SLC44A5: variants seen among roughly 807,000 people sequenced by gnomAD.
The protein encoded by SLC44A5 is choline transporter-like protein 5.
In SLC44A5, 57 loss-of-function variants were observed where a neutral mutation model predicts 101.8. The ratio of observed to expected loss-of-function variants is 0.56; its 90% confidence interval spans 0.45 to 0.70. The LOEUF is 0.70. SLC44A5 is among the 30% of genes least tolerant of loss of function. The probability of loss-of-function intolerance (pLI) is 0.00; values close to 1 mark genes in which losing one functional copy is unlikely to be tolerated. For missense variants in SLC44A5, 737 were observed against 853.1 expected (o/e 0.86, Z 1.70); for synonymous variants, 281 against 290.9 (o/e 0.97, Z 0.35).
At chr1:75,627,334 G>C in the SLC44A5 span, among the ~76,000 whole-genome samples, 1 of 151,742 alleles carries the variant, frequency 6.6e-6, no homozygotes, top group East Asian at 1.9e-4. Context: ...AGGGGATAGG[G>C]TTGCAATAGT....
intron 6 of SLC44A5, among the ~76,000 whole-genome samples, chr1:75,267,338 C>T (rs550485974): frequency 3.9e-4 from 59 of 151,462 alleles, no homozygotes; most frequent in African/African-American, 1.4e-3. Flanking sequence ...GTTTTTTTTT[C>T]TTTTAAAGGG....
chr1:75,471,839 G>A (rs1413864434), intron 2 of SLC44A5, among the ~76,000 whole-genome samples: 1 of 151,196 alleles, frequency 6.6e-6, no homozygotes, highest in Non-Finnish European at 1.5e-5. Context: ...CAAAACTTCT[G>A]CACATTCCTA....
At chr1:75,363,824 A>G (rs931686095) in intron 3 of SLC44A5, among the ~76,000 whole-genome samples, 1 of 152,146 alleles carries the variant, frequency 6.6e-6, no homozygotes, top group African/African-American at 2.4e-5. Flanking sequence ...TAGCTTAAAG[A>G]ACTTTCCCTA....
the SLC44A5 span, among the ~76,000 whole-genome samples, chr1:75,623,371 C>T: frequency 6.6e-6 from 1 of 151,960 alleles, no homozygotes; most frequent in African/African-American, 2.4e-5. Flanking sequence ...CTGCTCCAGG[C>T]AGGGAAAACA....
intron 2 of SLC44A5, among the ~76,000 whole-genome samples, chr1:75,509,400 T>A (rs1278518075): frequency 1.3e-5 from 2 of 152,194 alleles, no homozygotes; most frequent in Non-Finnish European, 2.9e-5. Context: ...GAAGACTCAA[T>A]ATGTTTGCCC....
intron 5 of SLC44A5, among the ~76,000 whole-genome samples, chr1:75,281,277 G>T (rs1207948927): frequency 2.6e-5 from 4 of 152,140 alleles, no homozygotes; most frequent in African/African-American, 9.7e-5. Flanking sequence ...CTATGCTTTA[G>T]CAAGGAGAAT....
chr1:75,708,702 G>C, the SLC44A5 span, among the ~76,000 whole-genome samples: 1 of 151,758 alleles, frequency 6.6e-6, no homozygotes, highest in Non-Finnish European at 1.5e-5. Context: ...ATTTTCAAAA[G>C]GCAAATATAA....
At chr1:75,667,841 T>G in the SLC44A5 span, among the ~76,000 whole-genome samples, 2 of 151,916 alleles carry the variant, frequency 1.3e-5, no homozygotes, top group African/African-American at 4.9e-5. Context: ...AAAAACTGAT[T>G]AAACAGATGG....
the SLC44A5 span, among the ~76,000 whole-genome samples, chr1:75,662,475 T>C: frequency 7.6e-6 from 1 of 131,658 alleles, no homozygotes; most frequent in African/African-American, 4.5e-5. Flanking sequence ...AATGATAATT[T>C]ACTGTATATT....
At chr1:75,445,523 G>GTA (rs971028400) in intron 2 of SLC44A5, among the ~76,000 whole-genome samples, 2 of 147,790 alleles carry the variant, frequency 1.4e-5, no homozygotes, top group Non-Finnish European at 3.0e-5. Context: ...TATAATATAT[G>GTA]TATATATTAC....
intron 4 of SLC44A5, among the ~76,000 whole-genome samples, chr1:75,308,949 T>C (rs1655102815): frequency 6.6e-6 from 1 of 152,160 alleles, no homozygotes; most frequent in African/African-American, 2.4e-5. Context: ...TTTTAATAAG[T>C]AAATAAAAAA....
chr1:75,233,366 C>T (rs572321989), intron 12 of SLC44A5, among the ~76,000 whole-genome samples: 25 of 152,238 alleles, frequency 1.6e-4, no homozygotes, highest in South Asian at 4.1e-4. Flanking sequence ...AACCCTTCCA[C>T]GTTCCCACTG....
intron 2 of SLC44A5, among the ~76,000 whole-genome samples, chr1:75,408,893 A>G (rs41373945): frequency 0.033 from 5,025 of 152,200 alleles, 279 homozygotes; most frequent in African/African-American, 0.12. Flanking sequence ...CTGTCACTTA[A>G]TAGGTACTTG....
intron 2 of SLC44A5, among the ~76,000 whole-genome samples, chr1:75,493,971 G>A (rs925115908): frequency 2.0e-5 from 3 of 152,178 alleles, no homozygotes; most frequent in African/African-American, 2.4e-5. Context: ...TAGTCCTCTG[G>A]AAGCATAAAG....
chr1:75,462,737 T>C (rs112853527), intron 2 of SLC44A5, among the ~76,000 whole-genome samples: 156 of 152,176 alleles, frequency 1.0e-3, no homozygotes, highest in African/African-American at 3.4e-3. Flanking sequence ...AAAAGTGCAA[T>C]TGACATACTG....
chr1:75,603,599 G>C (rs753332040), intron 1 of SLC44A5, among the ~76,000 whole-genome samples: 2 of 151,774 alleles, frequency 1.3e-5, no homozygotes, highest in Non-Finnish European at 2.9e-5. Context: ...ATTCCCAACA[G>C]TGTATATATG....
intron 3 of SLC44A5, among the ~76,000 whole-genome samples, chr1:75,388,250 T>C (rs1261040320): frequency 8.2e-6 from 1 of 122,568 alleles, no homozygotes; most frequent in East Asian, 2.3e-4. Context: ...AAAAAAACAG[T>C]ATTAAAAAAA....
intron 4 of SLC44A5, among the ~76,000 whole-genome samples, chr1:75,329,313 A>G (rs1170833220): frequency 6.6e-6 from 1 of 152,156 alleles, no homozygotes; most frequent in Non-Finnish European, 1.5e-5. Context: ...ACATCTCAGC[A>G]TCTGACCCCA....
At chr1:75,532,044 A>C (rs2101922217) in intron 2 of SLC44A5, among the ~76,000 whole-genome samples, 1 of 152,278 alleles carries the variant, frequency 6.6e-6, no homozygotes, top group South Asian at 2.1e-4. Flanking sequence ...TTAGAATGCA[A>C]ATTCTCAGGG....
Sources: gnomAD v4.1 joint callset for allele counts (sites outside exome capture counted in the v4.1 genomes callset) on GRCh38, gnomAD v4.1.1 for gene constraint, MANE v1.5 for transcripts, NCBI Gene and HGNC (gene_info 2026-07-23, HGNC 2026-07-21) for gene names.